The following FBN2 variants were observed in gnomAD, a reference collection of about 807,000 sequenced individuals.
FBN2 encodes the protein fibrillin 2.
FBN2 carries 105 observed loss-of-function variants against 355.6 expected under a neutral mutation model. The ratio of observed to expected loss-of-function variants is 0.30; its 90% CI spans 0.25 to 0.35. The LOEUF (loss-of-function observed/expected upper bound fraction) is 0.35, where lower values mean the gene tolerates loss of function less well. FBN2 is among the 10% of genes least tolerant of loss of function. FBN2 has a pLI of 1.00. For synonymous variants in FBN2, 1,350 were observed against 1,301.2 expected (o/e 1.04, Z -0.81); for missense variants, 3,280 against 3,758.7 (o/e 0.87, Z 3.33).
chr5:128,382,542 T>C (rs1208572810), intron 11 of FBN2, among the ~76,000 whole-genome samples: 1 of 152,062 alleles, frequency 6.6e-6, no homozygotes, highest in Non-Finnish European at 1.5e-5. Context: ...ACCCCGGACA[T>C]TCCTCTTAGC....
rs138044126 is a variant in FBN2 at position 128,263,568 on chromosome 5, C to T, written c.8049G>A (p.Gly2683=). 7.3e-4 allele frequency: 1,172 copies of T among 1,614,110 alleles called. 10 individuals carry two copies. The highest frequency in any genetic ancestry group is 7.3e-3 in the South Asian group (661 of 91,086). Residue 2683 remains glycine (G), a synonymous_variant, in exon 63 of 65, where the codon GGG becomes GGA. Transcript: ENST00000262464. The part of the protein sequence containing the change: ...LGSYKCACPS[G]FSFDQFSSAC... ...CACTGGAGAACTGGTCGAAGGAGAA[C>T]CCCGAGGGGCAGGCGCACTTGTAAC...
intron 5 of FBN2, among the ~76,000 whole-genome samples, chr5:128,519,054 G>C (rs1008435607): frequency 3.9e-5 from 6 of 152,110 alleles, no homozygotes; most frequent in Admixed American, 2.0e-4. Context: ...CATAGCCCCA[G>C]AGTTGGCCGC....
chr5:128,393,417 A>C (rs573075134), intron 9 of FBN2, 49 bp from the exon 10 acceptor site: 5 of 1,520,294 alleles, frequency 3.3e-6, no homozygotes, highest in South Asian at 1.1e-5. Context: ...GTCTTTCTGC[A>C]TAACAAAAGC....
At position 128,278,806 on chromosome 5, in the gene FBN2, G is replaced by A; in HGVS notation, c.7174C>T (p.Gln2392Ter). 1 of 1,613,956 alleles carries A rather than the reference G, an allele frequency of 6.2e-7. No individual in the cohort carries two copies. ...CTGGATGCCATTTGACATATTGTCT[G>A]CAGTACCTCTGCAAAGCAGAGACCC... ...RQGLCFAEVL[Q>*]TICQMASSSR... Residue 2392 changes from glutamine to a stop codon, truncating the protein, a stop_gained, in exon 57 of 65, where the codon CAG becomes TAG. Coordinates refer to ENST00000262464, the MANE Select transcript of FBN2 (RefSeq NM_001999.4). LOFTEE classifies it high-confidence loss of function.
chr5:128,278,727 C>T lies in FBN2; in HGVS notation c.7253G>A (p.Trp2418Ter), dbSNP rs767980230. 1.2e-6 allele frequency: 2 copies of T among 1,614,012 alleles called. No homozygotes were observed. The highest frequency in any genetic ancestry group is 2.7e-5 in the African/African-American group (2 of 74,936). The change falls in exon 57 of 65, where the codon TGG becomes TAG. Residue 2418 changes from tryptophan to a stop codon, truncating the protein, a stop_gained. Coordinates refer to ENST00000262464, the MANE Select transcript of FBN2 (RefSeq NM_001999.4). LOFTEE classifies it high-confidence loss of function. ...TGGGCAAAGCTCGCACTGGTGGCCC[C>T]AGCCTCGCCCACCATCACAGCAGCA... ...SECCCDGGRG[W>*]GHQCELCPLP... is the part of the protein sequence containing the mutation.
At chr5:128,523,353 C>T (rs1022488197) in intron 4 of FBN2, among the ~76,000 whole-genome samples, 5 of 152,062 alleles carry the variant, frequency 3.3e-5, no homozygotes, top group African/African-American at 1.2e-4. Flanking sequence ...TTCATTCCAT[C>T]CTCATGTCCA....
chr5:128,345,407 G>T lies in FBN2; in HGVS notation c.3167C>A (p.Ala1056Asp). ...KEYETLCPRGAGFANRGDVLT... is the reference protein window; with the variant it reads ...KEYETLCPRGDGFANRGDVLT... ...AACATCCCCTCGGTTAGCAAAGCCA[G>T]CCCCGCGGGGGCACAGCGTCTCGTA... The change falls in exon 24 of 65, where the codon GCT (alanine) becomes GAT (aspartate). Residue 1056 changes from alanine to aspartate, a missense_variant. Around this residue, in one of 6 missense-constraint regions of FBN2, gnomAD observed 2,284 missense variants for 2,749.5 expected, o/e 0.83. Transcript: ENST00000262464. 6.2e-7 allele frequency: 1 copy of T among 1,614,168 alleles called. No individual in the cohort carries two copies. Among genetic ancestry groups the T allele is most frequent in the Non-Finnish European group, 8.5e-7 (1 of 1,180,024 alleles).
At chr5:128,431,914 G>T (rs1753637631) in intron 7 of FBN2, among the ~76,000 whole-genome samples, 1 of 152,164 alleles carries the variant, frequency 6.6e-6, no homozygotes, top group African/African-American at 2.4e-5. Flanking sequence ...AAAACATATG[G>T]ATTATTTCTG....
In FBN2 at chr5:128,276,166, T is replaced by C. The variant is rs1427850375; in HGVS notation, c.7472-6A>G. 1.9e-6 allele frequency: 3 copies of C among 1,613,310 alleles called. No individual in the cohort carries two copies. The highest frequency in any genetic ancestry group is 2.2e-5 in the East Asian group (1 of 44,832). On this transcript the variant is annotated splice_polypyrimidine_tract_variant and splice_region_variant and intron_variant, in intron 58 of 64. Coordinates refer to ENST00000262464, the MANE Select transcript of FBN2 (RefSeq NM_001999.4). ...CTGGGAGCATTCATCAAGGTCTAAG[T>C]AAAAGTGATGTGAAGATTAAATTAC...
At chr5:128,261,135 C>G (rs1561734755) in intron 64 of FBN2, among the ~76,000 whole-genome samples, 1 of 152,150 alleles carries the variant, frequency 6.6e-6, no homozygotes, top group Non-Finnish European at 1.5e-5. Flanking sequence ...ACAGAGGTAA[C>G]AGATAGGGAG....
chr5:128,263,719 G>C (rs892378709), intron 62 of FBN2, 63 bp from the exon 63 acceptor site: 25 of 1,151,464 alleles, frequency 2.2e-5, no homozygotes, highest in Non-Finnish European at 2.9e-5. Flanking sequence ...ACGTGAACAA[G>C]TCTGGAGTCT....
intron 62 of FBN2, among the ~76,000 whole-genome samples, chr5:128,268,792 A>G (rs1198804871): frequency 7.9e-5 from 12 of 152,246 alleles, no homozygotes; most frequent in Non-Finnish European, 7.3e-5. Flanking sequence ...TTATCTCAAT[A>G]GATGCAGAAA....
intron 11 of FBN2, among the ~76,000 whole-genome samples, chr5:128,390,029 C>A (rs1028751348): frequency 1.3e-5 from 2 of 152,004 alleles, no homozygotes; most frequent in South Asian, 2.1e-4. Flanking sequence ...TAACTCCATG[C>A]GGAAATCCCT....
chr5:128,290,230 C>T (rs1454634136), intron 50 of FBN2, among the ~76,000 whole-genome samples: 1 of 152,202 alleles, frequency 6.6e-6, no homozygotes, highest in African/African-American at 2.4e-5. Context: ...GAAGCCATCC[C>T]TAACCCAGAG....
Position 128,311,930 on chromosome 5 carries a change from CG to C in FBN2, c.4902del (p.Gly1635GlufsTer14). 1 of 1,611,710 alleles carries C rather than the reference CG, an allele frequency of 6.2e-7. No individual in the cohort carries two copies. The highest frequency in any genetic ancestry group is 1.3e-5 in the African/African-American group (1 of 74,866). The stretch of plus-strand genomic sequence containing the variant: ...GGGTTAGGTCTGAAGCCTTCACCTC[CG>C]GGACACAGGGTGTAATATTCAGCTA... ...VNSTEYYTLCPGGEGFRPNPI... is the reference protein window; with the variant it reads ...VNSTEYYTLCXGGEGFRPNPI... On this transcript the variant is annotated frameshift_variant, in exon 38 of 65. Transcript: ENST00000262464. LOFTEE classifies it high-confidence loss of function.
Position 128,335,382 on chromosome 5 carries a change from G to A in FBN2, c.3847+73C>T. 1.9e-6 allele frequency: 3 copies of A among 1,609,836 alleles called. No homozygotes were observed. In the Admixed American group the frequency reaches 5.0e-5, roughly 27 times the overall value. ...TTTGTTTTCTATCTGGTTCCACTTG[G>A]TAATATCTGGAGCCATATTTTCAAG... is the stretch of plus-strand genomic sequence containing the variant. On this transcript the variant is annotated intron_variant, in intron 29 of 64. Coordinates refer to ENST00000262464, the MANE Select transcript of FBN2 (RefSeq NM_001999.4).
chr5:128,509,688 G>A, intron 5 of FBN2, among the ~76,000 whole-genome samples: 1 of 151,774 alleles, frequency 6.6e-6, no homozygotes, highest in East Asian at 1.9e-4. Flanking sequence ...TAATATTTTT[G>A]TATTCTTATA....
intron 18 of FBN2, 148 bp downstream of exon 18, chr5:128,364,452 C>T: frequency 1.2e-6 from 1 of 811,494 alleles, no homozygotes; most frequent in Non-Finnish European, 1.9e-6. Context: ...TTGTTTGATT[C>T]TGATATTTTC....
chr5:128,500,750 T>C (rs1164790347), intron 5 of FBN2, among the ~76,000 whole-genome samples: 4 of 152,182 alleles, frequency 2.6e-5, no homozygotes, highest in Non-Finnish European at 5.9e-5. Context: ...GGCCGAAATC[T>C]GACTATTCCT....
Sources: allele counts gnomAD v4.1 joint callset (sites outside exome capture counted in the v4.1 genomes callset), GRCh38; gene constraint gnomAD v4.1.1; regional missense constraint gnomAD v4.1.1; transcripts MANE v1.5; gene names NCBI Gene and HGNC (gene_info 2026-07-23, HGNC 2026-07-21).